RASGEF1C: variants seen among roughly 807,000 people sequenced by gnomAD.
The protein encoded by RASGEF1C is ras-GEF domain-containing family member 1C.
A neutral mutation model predicts 58.1 loss-of-function variants in RASGEF1C; 27 were observed. The observed-to-expected ratio is 0.46, with a 90% CI of 0.34 to 0.64. The LOEUF (loss-of-function observed/expected upper bound fraction) is 0.64. Ranked by LOEUF, RASGEF1C falls within the 30% of genes least tolerant of loss-of-function variation. The pLI is 0.01. For missense variants in RASGEF1C, 502 were observed against 605.1 expected, an observed-to-expected ratio of 0.83 and a Z score of 1.79; for synonymous variants, 243 against 246.3, an observed-to-expected ratio of 0.99 and a Z score of 0.13.
In RASGEF1C at chr5:180,204,764, A is replaced by G. The variant is rs188181115; in HGVS notation, c.-7+4264T>C. 2.2e-3 allele frequency among the ~76,000 whole-genome samples: 340 copies of G among 152,330 alleles called. 1 individual carries two copies. Among genetic ancestry groups the G allele is most frequent in the Non-Finnish European group, 3.1e-3 (214 of 68,034 alleles). On this transcript the variant is annotated intron_variant, in intron 1 of 13. Coordinates refer to ENST00000361132, the MANE Select transcript of RASGEF1C (RefSeq NM_175062.4). ...GGAACAAGGTAAGGAGGCCCACCAC[A>G]TCCAATATTTAATACTGAATTGGAG...
At chr5:180,105,968 G>A (rs1765869451) in intron 12 of RASGEF1C, among the ~76,000 whole-genome samples, 1 of 152,216 alleles carries the variant, frequency 6.6e-6, no homozygotes, top group Non-Finnish European at 1.5e-5. Flanking sequence ...CTGATAGGCA[G>A]CATAAACACA....
chr5:180,109,272 T>C (rs571185710), intron 12 of RASGEF1C, among the ~76,000 whole-genome samples: 185 of 151,904 alleles, frequency 1.2e-3, no homozygotes, highest in Middle Eastern at 6.8e-3. Flanking sequence ...CTGGCTAACA[T>C]GGTGAAACCC....
chr5:180,113,729 CTGGACGGAGGGACCGGGGA>C (rs1448673884), intron 11 of RASGEF1C, among the ~76,000 whole-genome samples: 36 of 36,670 alleles, frequency 9.8e-4, no homozygotes, highest in Middle Eastern at 0.023. Context: ...GGGATCCGGG[CTGGACGGAGGGACCGGGGA>C]TGGACGGAGG....
At chr5:180,161,066 TCA>T (rs1469920442) in intron 1 of RASGEF1C, among the ~76,000 whole-genome samples, 2 of 152,222 alleles carry the variant, frequency 1.3e-5, no homozygotes, top group Admixed American at 6.5e-5. Context: ...ATTTCCCCAT[TCA>T]CACAGGCCAG....
In RASGEF1C at chr5:180,195,348, C is replaced by T. The variant is rs549442186; in HGVS notation, c.-7+13680G>A. On this transcript the variant is annotated intron_variant, in intron 1 of 13. Coordinates refer to ENST00000361132, the MANE Select transcript of RASGEF1C (RefSeq NM_175062.4). The stretch of plus-strand genomic sequence containing the variant: ...AACTGAGAAGGGCATCTGCAGAGTA[C>T]GGACCAACAGGAGGTGTATGAGACG... 2.0e-5 allele frequency among the ~76,000 whole-genome samples: 3 copies of T among 152,268 alleles called. No individual in the cohort carries two copies. In the South Asian group the frequency reaches 6.2e-4, roughly 32 times the overall value.
At chr5:180,184,450 A>T (rs549889218) in intron 1 of RASGEF1C, among the ~76,000 whole-genome samples, 1 of 151,098 alleles carries the variant, frequency 6.6e-6, no homozygotes. Context: ...GGTGGTGTGC[A>T]CCTATAATCC....
chr5:180,163,444 G>A (rs1766976884), intron 1 of RASGEF1C, among the ~76,000 whole-genome samples: 1 of 151,682 alleles, frequency 6.6e-6, no homozygotes, highest in African/African-American at 2.4e-5. Flanking sequence ...AGTTTGTGAG[G>A]AGTTTTATCA....
At chr5:180,193,622 C>A (rs1018849956) in intron 1 of RASGEF1C, among the ~76,000 whole-genome samples, 4 of 152,104 alleles carry the variant, frequency 2.6e-5, no homozygotes, top group East Asian at 1.9e-4. Flanking sequence ...AACCAACCAA[C>A]CAAACAAAAA....
intron 1 of RASGEF1C, among the ~76,000 whole-genome samples, chr5:180,186,465 A>G (rs1434834556): frequency 6.6e-6 from 1 of 152,228 alleles, no homozygotes; most frequent in Non-Finnish European, 1.5e-5. Context: ...CTAGGAATAA[A>G]TTTAACCAAG....
At chr5:180,117,155 C>G (rs929951407) in intron 10 of RASGEF1C, among the ~76,000 whole-genome samples, 6 of 152,232 alleles carry the variant, frequency 3.9e-5, no homozygotes, top group African/African-American at 1.4e-4. Context: ...GTCTCGCATC[C>G]CTGGGTGCTG....
chr5:180,128,648 T>G, intron 4 of RASGEF1C, 38 bp from the exon 5 acceptor site: 5 of 1,591,006 alleles, frequency 3.1e-6, no homozygotes, highest in Non-Finnish European at 4.3e-6. Context: ...GACTGAACAC[T>G]CATCTCTGCA....
chr5:180,172,883 C>T (rs1767135219), intron 1 of RASGEF1C, among the ~76,000 whole-genome samples: 1 of 152,232 alleles, frequency 6.6e-6, no homozygotes, highest in Non-Finnish European at 1.5e-5. Flanking sequence ...GCTCCCGCCT[C>T]CATGCCTTTG....
chr5:180,111,332 GGA>G (rs2113240753), intron 12 of RASGEF1C, 123 bp downstream of exon 12: 2 of 1,315,464 alleles, frequency 1.5e-6, no homozygotes, highest in Non-Finnish European at 2.1e-6. Context: ...GTTCCCTCCC[GGA>G]GCCAGCCCAG....
At chr5:180,145,998 A>G (rs946891011) in intron 1 of RASGEF1C, among the ~76,000 whole-genome samples, 9 of 152,198 alleles carry the variant, frequency 5.9e-5, no homozygotes, top group Admixed American at 3.3e-4. Context: ...TCGGTAGGTT[A>G]TCTTTTTACT....
intron 1 of RASGEF1C, among the ~76,000 whole-genome samples, chr5:180,202,726 A>G (rs1359097477): frequency 2.0e-5 from 3 of 146,368 alleles, no homozygotes; most frequent in Admixed American, 6.9e-5. Context: ...TTTTTTTGAG[A>G]CGGAGTCTCG....
intron 1 of RASGEF1C, among the ~76,000 whole-genome samples, chr5:180,173,808 G>A (rs181438167): frequency 0.012 from 1,845 of 152,180 alleles, 16 homozygotes; most frequent in Non-Finnish European, 0.019. Flanking sequence ...AGCTGCTAGG[G>A]AGGCTGAGGC....
At chr5:180,184,340 C>T (rs1325437593) in intron 1 of RASGEF1C, among the ~76,000 whole-genome samples, 2 of 151,918 alleles carry the variant, frequency 1.3e-5, no homozygotes, top group African/African-American at 2.4e-5. Flanking sequence ...TTTGGGAGGC[C>T]GAGGCGGGTG....
At chr5:180,174,616 G>T (rs4700904) in intron 1 of RASGEF1C, among the ~76,000 whole-genome samples, 1 of 82,892 alleles carries the variant, frequency 1.2e-5, no homozygotes, top group Non-Finnish European at 2.3e-5. Flanking sequence ...GCATGTGTGT[G>T]TCTGTGTGTG....
At chr5:180,195,708 G>A (rs1368069452) in intron 1 of RASGEF1C, among the ~76,000 whole-genome samples, 6 of 150,910 alleles carry the variant, frequency 4.0e-5, no homozygotes, top group African/African-American at 1.2e-4. Flanking sequence ...CTTGCAGTGA[G>A]CCGAGATCAC....
Sources: allele counts gnomAD v4.1 joint callset (sites outside exome capture counted in the v4.1 genomes callset), GRCh38; gene constraint gnomAD v4.1.1; transcripts MANE v1.5; gene names NCBI Gene and HGNC (gene_info 2026-07-23, HGNC 2026-07-21).